CDC5L: variants seen among roughly 807,000 people sequenced by gnomAD.
CDC5L encodes cell division cycle 5 like.
Under a neutral mutation model 104.1 loss-of-function variants are expected in CDC5L, and 18 were observed. That is an observed-to-expected ratio of 0.17 (90% CI 0.12 to 0.26). The LOEUF (loss-of-function observed/expected upper bound fraction) is 0.26, where lower values mean the gene tolerates loss of function less well. Ranked by LOEUF, CDC5L falls within the 10% of genes least tolerant of loss-of-function variation. The pLI is 1.00. For synonymous variants in CDC5L, 331 were observed against 322.7 expected (o/e 1.03, Z -0.28); for missense variants, 673 against 956.9 (o/e 0.70, Z 3.91).
At chr6:44,431,777 C>T (rs1460541102) in intron 14 of CDC5L, among the ~76,000 whole-genome samples, 1 of 152,112 alleles carries the variant, frequency 6.6e-6, no homozygotes, top group Non-Finnish European at 1.5e-5. Context: ...ACAGAAAGAG[C>T]CACTCCTGTT....
rs1217986255 is a variant in CDC5L at position 44,414,430 on chromosome 6, G to GTGTGTA, written c.1093-5018_1093-5017insGTGTAT. ...TGTGTGTGTGTGTGTGTGTGTGTGT[G>GTGTGTA]TATTTTTTTTTAGAAATAGCTATTC... is the stretch of plus-strand genomic sequence containing the variant. On this transcript the variant is annotated intron_variant, in intron 8 of 15. Coordinates refer to ENST00000371477, the MANE Select transcript of CDC5L (RefSeq NM_001253.4). 4.4e-4 allele frequency among the ~76,000 whole-genome samples: 62 copies of GTGTGTA among 141,118 alleles called. 1 individual carries two copies. Among genetic ancestry groups the GTGTGTA allele is most frequent in the African/African-American group, 1.4e-3 (50 of 36,604 alleles). The allele number at this position is 141,118 out of a possible 152,430, so 92.6% of individuals were successfully genotyped here. A position where few individuals can be genotyped will look rare whatever the true frequency, so the allele number is the denominator to read the frequency against.
intron 14 of CDC5L, among the ~76,000 whole-genome samples, chr6:44,440,288 C>T (rs1793122192): frequency 1.3e-5 from 2 of 148,726 alleles, no homozygotes; most frequent in Admixed American, 6.8e-5. Flanking sequence ...GTTGCTCAGG[C>T]TGGAGTGCAG....
chr6:44,423,101 C>T (rs1561975783), intron 10 of CDC5L, among the ~76,000 whole-genome samples: 2 of 152,040 alleles, frequency 1.3e-5, no homozygotes, highest in Non-Finnish European at 2.9e-5. Flanking sequence ...TTAAGTTTTG[C>T]TTCTGCCCGT....
At chr6:44,416,073 G>A (rs1256975868) in intron 8 of CDC5L, among the ~76,000 whole-genome samples, 2 of 152,176 alleles carry the variant, frequency 1.3e-5, no homozygotes, top group Non-Finnish European at 2.9e-5. Flanking sequence ...CTAGGGGTAA[G>A]AGGAGTTTTG....
At chr6:44,397,095 G>C (rs1055506095) in intron 5 of CDC5L, among the ~76,000 whole-genome samples, 2 of 152,174 alleles carry the variant, frequency 1.3e-5, no homozygotes, top group Non-Finnish European at 2.9e-5. Context: ...TCGACCTTCA[G>C]CCCTTCTCCC....
At chr6:44,412,781 C>CT (rs397950082) in intron 8 of CDC5L, among the ~76,000 whole-genome samples, 92,639 of 106,430 alleles carry the variant, frequency 0.87, 41,363 homozygotes, top group Non-Finnish European at 0.92. Flanking sequence ...AGAATAATTT[C>CT]TTTTTTTTTT....
At chr6:44,399,032 C>T (rs1050976889) in intron 5 of CDC5L, among the ~76,000 whole-genome samples, 1 of 152,238 alleles carries the variant, frequency 6.6e-6, no homozygotes, top group African/African-American at 2.4e-5. Flanking sequence ...GAGTTCACTG[C>T]AGCCCTGCAC....
At position 44,449,176 on chromosome 6, in the gene CDC5L, T is replaced by C. The variant is rs1014742207; in HGVS notation, c.*2465T>C. ...AAATTTGAAGTAATTCACATACTTA[T>C]AGCCTAAAAAAATCGGCAGGAATTA... On this transcript the variant is annotated 3_prime_UTR_variant, in exon 16 of 16. Transcript: ENST00000371477. 7.0e-5 allele frequency: 10 copies of C among 143,482 alleles called. No individual in the cohort carries two copies. The highest frequency in any genetic ancestry group is 1.0e-4 in the Non-Finnish European group (7 of 66,992). 8.9% of individuals were successfully genotyped at this position (143,482 alleles called of 1,614,324 possible).
At chr6:44,393,675 T>G (rs909984314) in intron 4 of CDC5L, 102 bp downstream of exon 4, 22 of 1,209,802 alleles carry the variant, frequency 1.8e-5, no homozygotes, top group Middle Eastern at 2.0e-4. Flanking sequence ...AGAATCCCTT[T>G]TTTTTTTGAG....
At chr6:44,439,071 G>A (rs567078841) in intron 14 of CDC5L, among the ~76,000 whole-genome samples, 1 of 152,120 alleles carries the variant, frequency 6.6e-6, no homozygotes, top group Admixed American at 6.5e-5. Flanking sequence ...CAATAGATTT[G>A]CCTATTTTGG....
At position 44,448,270 on chromosome 6, in the gene CDC5L, A is replaced by G. The variant is rs1793523933; in HGVS notation, c.*1559A>G. The G allele has an allele frequency of 6.6e-6, 1 of 152,248 alleles. No individual in the cohort carries two copies. The highest frequency in any genetic ancestry group is 1.5e-5 in the Non-Finnish European group (1 of 68,052). 9.4% of individuals were successfully genotyped at this position (152,248 alleles called of 1,614,324 possible). The stretch of plus-strand genomic sequence containing the variant: ...AGTGTCAAGAATGGCATTTCTGTAT[A>G]TAAGACCTCGTTGTATAGAGCCACA... On this transcript the variant is annotated 3_prime_UTR_variant, in exon 16 of 16. Transcript: ENST00000371477.
intron 1 of CDC5L, among the ~76,000 whole-genome samples, chr6:44,389,102 A>G (rs1347544782): frequency 1.3e-5 from 2 of 152,196 alleles, no homozygotes; most frequent in African/African-American, 2.4e-5. Context: ...ACAGTAACCA[A>G]CATGAAGTAG....
Position 44,406,323 on chromosome 6 carries a change from T to C in CDC5L, c.759T>C (p.Ser253=). 6.3e-7 allele frequency: 1 copy of C among 1,598,296 alleles called. No homozygotes were observed. The highest frequency in any genetic ancestry group is 1.1e-5 in the South Asian group (1 of 88,352). The part of the protein sequence containing the change: ...RQQDLDGELR[S]EKEGRDRKKD... The stretch of plus-strand genomic sequence containing the variant: ...TCTTTTCTACTTTGATCCATGACAG[T>C]GAAAAAGAAGGAAGAGATAGAAAAA... The change falls in exon 7 of 16, where the codon TCT becomes TCC. Residue 253 remains serine, a splice_region_variant and synonymous_variant. Coordinates refer to ENST00000371477, the MANE Select transcript of CDC5L (RefSeq NM_001253.4).
At chr6:44,402,695 G>C (rs1026666407) in intron 5 of CDC5L, among the ~76,000 whole-genome samples, 1 of 152,134 alleles carries the variant, frequency 6.6e-6, no homozygotes, top group African/African-American at 2.4e-5. Flanking sequence ...TTAATATTTT[G>C]ATGGACATCC....
In CDC5L at chr6:44,390,392, T is replaced by A. The variant is rs1395082937; in HGVS notation, c.149+21T>A. 4 of 1,445,830 alleles carry A rather than the reference T, an allele frequency of 2.8e-6. No homozygotes were observed. The African/African-American group carries it at 4.2e-5, about 15-fold the overall frequency. The allele number at this position is 1,445,830 out of a possible 1,614,324, so 89.6% of individuals were successfully genotyped here. On this transcript the variant is annotated intron_variant, in intron 2 of 15. Transcript: ENST00000371477. ...AGATGGTATGTATCAGTTTAATAAG[T>A]GGAAAACAGAAAAGGAGCTTAATTA... is the stretch of plus-strand genomic sequence containing the variant.
chr6:44,421,373 T>C (rs1457980500), intron 9 of CDC5L, among the ~76,000 whole-genome samples: 1 of 152,226 alleles, frequency 6.6e-6, no homozygotes, highest in African/African-American at 2.4e-5. Context: ...AATTGGAACT[T>C]ACAATGGTTG....
At chr6:44,417,324 G>A (rs773288862) in intron 8 of CDC5L, among the ~76,000 whole-genome samples, 9 of 152,148 alleles carry the variant, frequency 5.9e-5, no homozygotes, top group Non-Finnish European at 1.2e-4. Flanking sequence ...TTCTCATAGT[G>A]TAGTGGTCTC....
intron 14 of CDC5L, among the ~76,000 whole-genome samples, chr6:44,440,557 T>A (rs1218956023): frequency 6.6e-6 from 1 of 152,148 alleles, no homozygotes. Flanking sequence ...TTTTAAAAGT[T>A]CTATTTTAAT....
chr6:44,440,153 A>G (rs1793114099), intron 14 of CDC5L, among the ~76,000 whole-genome samples: 1 of 152,204 alleles, frequency 6.6e-6, no homozygotes, highest in South Asian at 2.1e-4. Context: ...TTCTTCATTT[A>G]AATTAATTTT....
Sources: gnomAD v4.1 joint callset for allele counts (sites outside exome capture counted in the v4.1 genomes callset) on GRCh38, gnomAD v4.1.1 for gene constraint, MANE v1.5 for transcripts, NCBI Gene and HGNC (gene_info 2026-07-23, HGNC 2026-07-21) for gene names.